The following MGAT4C variants were observed in gnomAD, a reference collection of about 807,000 sequenced individuals.
MGAT4C encodes the protein MGAT4 family member C.
MGAT4C carries 19 observed loss-of-function variants against 40.1 expected under a neutral mutation model. That is an observed-to-expected ratio of 0.47 (90% CI 0.33 to 0.70). The LOEUF (loss-of-function observed/expected upper bound fraction) is 0.70, where lower values mean the gene tolerates loss of function less well. MGAT4C is among the 30% of genes least tolerant of loss of function. MGAT4C has a pLI of 0.02. For missense variants in MGAT4C, 491 were observed against 563.2 expected, an observed-to-expected ratio of 0.87 and a Z score of 1.30; for synonymous variants, 181 against 187.1, an observed-to-expected ratio of 0.97 and a Z score of 0.27.
chr12:86,526,858 G>A (rs566555597), intron 2 of MGAT4C, among the ~76,000 whole-genome samples: 1 of 152,288 alleles, frequency 6.6e-6, no homozygotes, highest in East Asian at 1.9e-4. Context: ...TGTCCATGGT[G>A]GTGCAGGGGT....
At chr12:86,590,386 C>G (rs1308226496) in intron 2 of MGAT4C, among the ~76,000 whole-genome samples, 1 of 151,880 alleles carries the variant, frequency 6.6e-6, no homozygotes, top group South Asian at 2.1e-4. Context: ...TAACTTTCAG[C>G]TGAGTGTCTG....
intron 2 of MGAT4C, among the ~76,000 whole-genome samples, chr12:86,451,045 G>GT (rs1319410011): frequency 6.6e-6 from 1 of 152,088 alleles, no homozygotes; most frequent in African/African-American, 2.4e-5. Context: ...TGGTTTGGAT[G>GT]TATGTCTCAC....
At position 86,333,898 on chromosome 12, in the gene MGAT4C, C is replaced by G. The variant is rs966429226; in HGVS notation, c.-57+167G>C. ...GTATCTATTATTCTTTTAAACTAAA[C>G]AGTAAAACAAACATATCAATTCTCA... On this transcript the variant is annotated intron_variant, in intron 4 of 7. Coordinates refer to the MGAT4C transcript ENST00000548651. Among the ~76,000 whole-genome samples, 3 of 152,080 alleles carry G rather than the reference C, an allele frequency of 2.0e-5. No individual in the cohort carries two copies. In the East Asian group the frequency reaches 5.8e-4, roughly 29 times the overall value.
chr12:86,390,394 T>C (rs959236184), intron 3 of MGAT4C, among the ~76,000 whole-genome samples: 4 of 152,216 alleles, frequency 2.6e-5, no homozygotes, highest in Admixed American at 6.5e-5. Context: ...ATTTTGTATA[T>C]CACTGTTGGA....
At chr12:86,808,276 A>G (rs187433854) in intron 1 of MGAT4C, among the ~76,000 whole-genome samples, 2 of 152,218 alleles carry the variant, frequency 1.3e-5, no homozygotes, top group African/African-American at 4.8e-5. Flanking sequence ...AACTCATTCT[A>G]TGAGGCTGGC....
intron 1 of MGAT4C, among the ~76,000 whole-genome samples, chr12:86,167,945 T>A (rs1240714946): frequency 6.6e-6 from 1 of 152,186 alleles, no homozygotes; most frequent in Non-Finnish European, 1.5e-5. Context: ...GTGAATAAGG[T>A]ATGCTGTCTT....
At chr12:86,599,992 C>A (rs111741024) in intron 2 of MGAT4C, among the ~76,000 whole-genome samples, 59 of 150,772 alleles carry the variant, frequency 3.9e-4, no homozygotes, top group South Asian at 8.7e-4. Context: ...AACAAAAAAA[C>A]CAGAAACAAA....
chr12:86,052,919 T>C (rs1469819000), intron 1 of MGAT4C, among the ~76,000 whole-genome samples: 3 of 151,972 alleles, frequency 2.0e-5, no homozygotes, highest in African/African-American at 2.4e-5. Context: ...TGCCAAGTAA[T>C]AGGTTTCATC....
At chr12:86,237,240 C>T (rs1159794223) in intron 1 of MGAT4C, among the ~76,000 whole-genome samples, 1 of 151,444 alleles carries the variant, frequency 6.6e-6, no homozygotes, top group Admixed American at 6.6e-5. Flanking sequence ...TATAGATAAC[C>T]TACTTATAAG....
intron 1 of MGAT4C, among the ~76,000 whole-genome samples, chr12:86,827,374 T>G (rs1386472416): frequency 6.6e-6 from 1 of 151,548 alleles, no homozygotes; most frequent in African/African-American, 2.4e-5. Flanking sequence ...CACTATTTTT[T>G]CTTTACACTT....
At chr12:86,614,654 T>C (rs1188530440) in intron 2 of MGAT4C, among the ~76,000 whole-genome samples, 1 of 151,702 alleles carries the variant, frequency 6.6e-6, no homozygotes, top group African/African-American at 2.4e-5. Flanking sequence ...CAAAAATATA[T>C]ATATATATGT....
At chr12:86,263,269 T>A (rs1337978831) in intron 4 of MGAT4C, among the ~76,000 whole-genome samples, 2 of 152,118 alleles carry the variant, frequency 1.3e-5, no homozygotes. Context: ...TTTTAGGGTA[T>A]CTATCACCCA....
intron 1 of MGAT4C, among the ~76,000 whole-genome samples, chr12:86,796,366 G>T (rs893218826): frequency 1.3e-5 from 2 of 151,920 alleles, no homozygotes; most frequent in African/African-American, 4.8e-5. Flanking sequence ...TGCAGTGTTT[G>T]CCAAAGCAAG....
At position 86,439,792 on chromosome 12, in the gene MGAT4C, C is replaced by A. The variant is rs532632628; in HGVS notation, c.-228-4527G>T. 2.6e-4 allele frequency among the ~76,000 whole-genome samples: 40 copies of A among 151,838 alleles called. No individual in the cohort carries two copies. The South Asian group carries it at 6.6e-3, about 25-fold the overall frequency. On this transcript the variant is annotated intron_variant, in intron 2 of 7. Coordinates refer to the MGAT4C transcript ENST00000548651. ...ACTCAATTAGAAATTAAAATAGAGA[C>A]ATTACAACTGACACCACAGAAATAG...
chr12:86,024,547 T>C (rs1291106863), intron 2 of MGAT4C, among the ~76,000 whole-genome samples: 2 of 151,850 alleles, frequency 1.3e-5, no homozygotes, highest in African/African-American at 4.8e-5. Context: ...ATATAAAGAC[T>C]CTTAAAGTTG....
At chr12:86,063,873 C>A (rs917124903) in intron 1 of MGAT4C, among the ~76,000 whole-genome samples, 1 of 152,176 alleles carries the variant, frequency 6.6e-6, no homozygotes, top group Non-Finnish European at 1.5e-5. Flanking sequence ...TATATGCACC[C>A]GTGCAGGAGC....
chr12:86,149,453 T>C (rs1238632260), intron 1 of MGAT4C, among the ~76,000 whole-genome samples: 1 of 152,230 alleles, frequency 6.6e-6, no homozygotes, highest in Non-Finnish European at 1.5e-5. Flanking sequence ...AAGTAAGTTT[T>C]CTTGTGTCAC....
At position 86,306,783 on chromosome 12, in the gene MGAT4C, T is replaced by C. The variant is rs899189710; in HGVS notation, c.-57+27282A>G. On this transcript the variant is annotated intron_variant, in intron 4 of 7. Coordinates refer to the MGAT4C transcript ENST00000548651. ...ATGTAGGGGAACAGTGCAGCGATTC[T>C]ACAAATATTTTTGAAATGTAGAAAA... Among the ~76,000 whole-genome samples, 53 of 150,486 alleles carry C rather than the reference T, an allele frequency of 3.5e-4. 2 individuals carry two copies. The highest frequency in any genetic ancestry group is 1.1e-3 in the African/African-American group (45 of 39,960).
rs1007080346 is a variant in MGAT4C at position 85,977,395 on chromosome 12, A to G, written c.*1894T>C. 6.6e-5 allele frequency: 10 copies of G among 151,662 alleles called. No homozygotes were observed. The South Asian group carries it at 1.4e-3, about 22-fold the overall frequency. 9.4% of individuals were successfully genotyped at this position (151,662 alleles called of 1,614,324 possible). A position where few individuals can be genotyped will look rare whatever the true frequency, so the allele number is the denominator to read the frequency against. On this transcript the variant is annotated 3_prime_UTR_variant, in exon 5 of 5. Transcript: ENST00000611864. ...AAAAGATAAGAAAAATAAAGAAAAT[A>G]GAACATTTTTAGGTGTCTGGCAAGT... is the stretch of plus-strand genomic sequence containing the variant.
Sources: allele counts gnomAD v4.1 joint callset (sites outside exome capture counted in the v4.1 genomes callset), GRCh38; gene constraint gnomAD v4.1.1; transcripts MANE v1.5; gene names NCBI Gene and HGNC (gene_info 2026-07-23, HGNC 2026-07-21).